DCLK1: variants seen among roughly 807,000 people sequenced by gnomAD.
DCLK1 encodes the protein doublecortin like kinase 1.
A neutral mutation model predicts 86.2 loss-of-function variants in DCLK1; 16 were observed. The observed-to-expected ratio is 0.19, with a 90% confidence interval of 0.13 to 0.28. The LOEUF is 0.28. Among genes scored for constraint, DCLK1 ranks in the 10% least tolerant of loss-of-function variants. The pLI, the probability that DCLK1 is intolerant of heterozygous loss-of-function variation, is 1.00. For synonymous variants in DCLK1, 369 were observed against 370.5 expected (o/e 1.00, Z 0.05); for missense variants, 590 against 940.2 (o/e 0.63, Z 4.87).
chr13:35,906,318 T>TC (rs1457073797), intron 4 of DCLK1, among the ~76,000 whole-genome samples: 2 of 152,038 alleles, frequency 1.3e-5, no homozygotes, highest in African/African-American at 4.8e-5. Context: ...ATTTTCTTTT[T>TC]TTTTTTTTTT....
intron 5 of DCLK1, 103 bp from the exon 6 acceptor site, chr13:35,854,696 T>C: frequency 1.0e-6 from 1 of 974,386 alleles, no homozygotes; most frequent in South Asian, 2.6e-5. Flanking sequence ...GAGAGCCATC[T>C]ACTAGAACTC....
chr13:35,959,492 G>A (rs1423793292), intron 3 of DCLK1, among the ~76,000 whole-genome samples: 2 of 152,180 alleles, frequency 1.3e-5, no homozygotes, highest in Non-Finnish European at 2.9e-5. Flanking sequence ...ATGCAGGAAA[G>A]TAGGCCAGAT....
intron 3 of DCLK1, among the ~76,000 whole-genome samples, chr13:36,071,053 A>G (rs919858651): frequency 2.6e-5 from 4 of 152,144 alleles, no homozygotes; most frequent in African/African-American, 9.7e-5. Context: ...GTCAGTCTAC[A>G]AGGAAATTTT....
intron 4 of DCLK1, among the ~76,000 whole-genome samples, chr13:35,908,345 C>T (rs1874799937): frequency 6.6e-6 from 1 of 152,134 alleles, no homozygotes; most frequent in Admixed American, 6.5e-5. Context: ...TCCAAAGAGG[C>T]AGGCCATTCA....
intron 3 of DCLK1, among the ~76,000 whole-genome samples, chr13:35,983,781 A>G (rs915781501): frequency 1.1e-4 from 17 of 152,236 alleles, no homozygotes; most frequent in African/African-American, 4.1e-4. Flanking sequence ...TTTTCTTGGC[A>G]TAAAAGAGAA....
At chr13:35,847,695 T>C (rs1042401928) in intron 6 of DCLK1, 4 of 961,182 alleles carry the variant, frequency 4.2e-6, no homozygotes, top group African/African-American at 3.7e-5. Flanking sequence ...AGGGCATGTG[T>C]TGGAAATTCC....
At chr13:35,890,231 G>C (rs977366120) in intron 4 of DCLK1, among the ~76,000 whole-genome samples, 1 of 151,954 alleles carries the variant, frequency 6.6e-6, no homozygotes, top group African/African-American at 2.4e-5. Flanking sequence ...CAATTTCTTG[G>C]CTGGTCTGTC....
At chr13:35,835,618 A>C (rs1367509270) in intron 8 of DCLK1, among the ~76,000 whole-genome samples, 1 of 152,140 alleles carries the variant, frequency 6.6e-6, no homozygotes, top group Non-Finnish European at 1.5e-5. Flanking sequence ...ATGCATTTTA[A>C]AGCTTTTCAA....
intron 6 of DCLK1, among the ~76,000 whole-genome samples, chr13:35,842,710 T>C (rs768737934): frequency 2.0e-5 from 3 of 152,226 alleles, no homozygotes; most frequent in Non-Finnish European, 4.4e-5. Context: ...CTCCCTGGTG[T>C]GTGTTTGAAA....
intron 3 of DCLK1, among the ~76,000 whole-genome samples, chr13:36,017,370 G>C (rs567631736): frequency 6.6e-6 from 1 of 152,266 alleles, no homozygotes; most frequent in Non-Finnish European, 1.5e-5. Flanking sequence ...GATGAAGATA[G>C]AATGTAACAC....
chr13:35,771,680 A>G lies in DCLK1; in HGVS notation c.*2855T>C, dbSNP rs1279397660. On this transcript the variant is annotated 3_prime_UTR_variant, in exon 17 of 17. Coordinates refer to ENST00000360631, the MANE Select transcript of DCLK1 (RefSeq NM_001330071.2). ...AATACCATATGATTGGTCATGTGTC[A>G]GTAAAAGAAAGACGGTCCCCATCAC... 6.6e-6 allele frequency: 1 copy of G among 152,214 alleles called. No individual in the cohort carries two copies. Among genetic ancestry groups the G allele is most frequent in the African/African-American group, 2.4e-5 (1 of 41,454 alleles). 9.4% of individuals were successfully genotyped at this position (152,214 alleles called of 1,614,324 possible).
chr13:36,018,670 G>T (rs1881633834), intron 3 of DCLK1, among the ~76,000 whole-genome samples: 1 of 151,994 alleles, frequency 6.6e-6, no homozygotes, highest in South Asian at 2.1e-4. Flanking sequence ...TTTTCTCATG[G>T]ATAATTATTT....
chr13:35,982,429 AGAGGGGGAGGGAGGGAGG>A lies in DCLK1; in HGVS notation c.724-34990_724-34973del, dbSNP rs1475374923. ...GAAAGGGAGAGAGAGAGAGAGAGAG[AGAGGGGGAGGGAGGGAGG>A]GAGGGAGGGAGGGAGGGAGGGAGGG... On this transcript the variant is annotated intron_variant, in intron 3 of 16. Coordinates refer to ENST00000360631, the MANE Select transcript of DCLK1 (RefSeq NM_001330071.2). Among the ~76,000 whole-genome samples, 260 of 32,210 alleles carry A rather than the reference AGAGGGGGAGGGAGGGAGG, an allele frequency of 8.1e-3. 6 individuals are homozygous for A. The highest frequency in any genetic ancestry group is 0.025 in the African/African-American group (239 of 9,718). 21.1% of individuals were successfully genotyped at this position (32,210 alleles called of 152,430 possible). A position where few individuals can be genotyped will look rare whatever the true frequency, so the allele number is the denominator to read the frequency against.
At chr13:35,789,046 C>T (rs2153098916) in intron 16 of DCLK1, among the ~76,000 whole-genome samples, 1 of 152,094 alleles carries the variant, frequency 6.6e-6, no homozygotes, top group East Asian at 1.9e-4. Context: ...AGGAGAAGTT[C>T]TCAAAGTTGT....
At position 35,773,042 on chromosome 13, in the gene DCLK1, G is replaced by A. The variant is rs557227665; in HGVS notation, c.*1493C>T. 3 of 152,196 alleles carry A rather than the reference G, an allele frequency of 2.0e-5. No homozygotes were observed. Among genetic ancestry groups the A allele is most frequent in the East Asian group, 3.9e-4 (2 of 5,168 alleles). The allele number at this position is 152,196 out of a possible 1,614,324, so 9.4% of individuals were successfully genotyped here. A position where few individuals can be genotyped will look rare whatever the true frequency, so the allele number is the denominator to read the frequency against. On this transcript the variant is annotated 3_prime_UTR_variant, in exon 17 of 17. Coordinates refer to ENST00000360631, the MANE Select transcript of DCLK1 (RefSeq NM_001330071.2). ...GATCCCAGAGCCCAGCAAACCTTGG[G>A]AATACATTTGAGTTGGGCACCTGCC...
intron 3 of DCLK1, among the ~76,000 whole-genome samples, chr13:36,027,713 A>G (rs1882100809): frequency 6.6e-6 from 1 of 152,148 alleles, no homozygotes; most frequent in Non-Finnish European, 1.5e-5. Flanking sequence ...GGGCAATCAA[A>G]TATCTATTTT....
At chr13:35,950,293 T>A (rs1877597155) in intron 3 of DCLK1, among the ~76,000 whole-genome samples, 1 of 152,240 alleles carries the variant, frequency 6.6e-6, no homozygotes, top group African/African-American at 2.4e-5. Context: ...CACGCGCTCA[T>A]GCATTATCAT....
chr13:36,028,095 T>G (rs1362756417), intron 3 of DCLK1, among the ~76,000 whole-genome samples: 1 of 152,194 alleles, frequency 6.6e-6, no homozygotes, highest in Non-Finnish European at 1.5e-5. Flanking sequence ...AAGTTGATGT[T>G]TTAGAAGACT....
intron 3 of DCLK1, among the ~76,000 whole-genome samples, chr13:36,042,884 A>C (rs1025797703): frequency 2.0e-5 from 3 of 152,216 alleles, no homozygotes; most frequent in African/African-American, 7.2e-5. Flanking sequence ...TGGTGAGAAA[A>C]CATTCAAACA....
Sources: allele counts gnomAD v4.1 joint callset (sites outside exome capture counted in the v4.1 genomes callset), GRCh38; gene constraint gnomAD v4.1.1; transcripts MANE v1.5; gene names NCBI Gene and HGNC (gene_info 2026-07-23, HGNC 2026-07-21).